The following MTCL2 variants were observed in gnomAD, a reference collection of about 807,000 sequenced individuals.
The protein encoded by MTCL2 is microtubule crosslinking factor 2.
At chr20:36,786,722 G>A in the MTCL2 span, 1 of 1,309,292 alleles carries the variant, frequency 7.6e-7, no homozygotes, top group Admixed American at 2.2e-5. Context: ...TGCCAGGCAA[G>A]GAACTGAGAC....
chr20:36,805,263 G>A, the MTCL2 span, among the ~76,000 whole-genome samples: 1 of 152,144 alleles, frequency 6.6e-6, no homozygotes, highest in East Asian at 1.9e-4. Flanking sequence ...GCCAGATGTG[G>A]GGTCTAATTC....
chr20:36,855,002 G>C, the MTCL2 span, among the ~76,000 whole-genome samples: 1 of 152,128 alleles, frequency 6.6e-6, no homozygotes, highest in African/African-American at 2.4e-5. Flanking sequence ...ATAACACTCA[G>C]ACTGATGCCC....
chr20:36,855,249 C>T, the MTCL2 span, among the ~76,000 whole-genome samples: 40 of 152,346 alleles, frequency 2.6e-4, no homozygotes, highest in East Asian at 7.1e-3. Context: ...CCCCATTCTA[C>T]AGATGACGAG....
the MTCL2 span, chr20:36,785,391 A>G: frequency 1.0e-6 from 1 of 983,718 alleles, no homozygotes. Context: ...AAAGTAAACC[A>G]CCTTAAATAT....
the MTCL2 span, among the ~76,000 whole-genome samples, chr20:36,801,345 C>A: frequency 1.3e-5 from 2 of 152,228 alleles, no homozygotes; most frequent in Non-Finnish European, 2.9e-5. Flanking sequence ...CTCTTGTGAA[C>A]AGCTCTCCAG....
chr20:36,811,506 A>C, the MTCL2 span, among the ~76,000 whole-genome samples: 5 of 152,032 alleles, frequency 3.3e-5, no homozygotes, highest in African/African-American at 4.8e-5. Flanking sequence ...GCGCACGCCT[A>C]TAGTCCCACC....
the MTCL2 span, chr20:36,783,697 T>C: frequency 6.5e-6 from 6 of 926,356 alleles, no homozygotes; most frequent in Non-Finnish European, 7.7e-6. Flanking sequence ...GAATCCCCAC[T>C]GTGGGTCAGG....
chr20:36,846,663 TC>T, the MTCL2 span, among the ~76,000 whole-genome samples: 1 of 152,148 alleles, frequency 6.6e-6, no homozygotes, highest in Non-Finnish European at 1.5e-5. Flanking sequence ...TCCTCCCTAC[TC>T]CCGCCTTACC....
chr20:36,852,592 C>T, the MTCL2 span, among the ~76,000 whole-genome samples: 3 of 152,310 alleles, frequency 2.0e-5, no homozygotes, highest in South Asian at 6.2e-4. Context: ...TCCCTTCATA[C>T]CCAGGGACAG....
At chr20:36,799,588 T>G in the MTCL2 span, among the ~76,000 whole-genome samples, 11 of 151,794 alleles carry the variant, frequency 7.2e-5, no homozygotes, top group Non-Finnish European at 1.5e-4. Flanking sequence ...GAGGTTGAGG[T>G]GGGAGGATCA....
chr20:36,810,717 C>CCTCTCCCTCTCTCT, the MTCL2 span, among the ~76,000 whole-genome samples: 6 of 94,266 alleles, frequency 6.4e-5, no homozygotes, highest in East Asian at 3.1e-4. Context: ...TCTCTCTCTC[C>CCTCTCCCTCTCTCT]CTCTCTCTCT....
the MTCL2 span, chr20:36,780,504 C>T: frequency 6.6e-6 from 1 of 152,198 alleles, no homozygotes; most frequent in Non-Finnish European, 1.5e-5. Flanking sequence ...ATGTTATGGC[C>T]TCCTTGCTAT....
the MTCL2 span, chr20:36,809,905 T>C: frequency 1.3e-5 from 19 of 1,516,944 alleles, no homozygotes; most frequent in Admixed American, 9.9e-5. Context: ...AGAGGGCCCA[T>C]AGATCCTCAA....
chr20:36,818,398 C>A, the MTCL2 span, among the ~76,000 whole-genome samples: 1 of 152,322 alleles, frequency 6.6e-6, no homozygotes, highest in Admixed American at 6.5e-5. Flanking sequence ...CATAGCAAGA[C>A]CCTGTCTCAA....
chr20:36,862,756 G>T, the MTCL2 span: 1 of 1,460,534 alleles, frequency 6.8e-7, no homozygotes. Flanking sequence ...GAGAAGGCAA[G>T]CGAGGCGCTG....
At chr20:36,785,503 G>A in the MTCL2 span, 1 of 985,398 alleles carries the variant, frequency 1.0e-6, no homozygotes, top group Non-Finnish European at 1.2e-6. Flanking sequence ...GTGTTCTCCT[G>A]GGCCTGACCT....
At chr20:36,806,140 T>G in the MTCL2 span, among the ~76,000 whole-genome samples, 1 of 152,170 alleles carries the variant, frequency 6.6e-6, no homozygotes, top group Non-Finnish European at 1.5e-5. Flanking sequence ...AATAACCATG[T>G]TGACAGGCTG....
the MTCL2 span, among the ~76,000 whole-genome samples, chr20:36,794,942 T>G: frequency 1.3e-5 from 2 of 151,340 alleles, no homozygotes; most frequent in African/African-American, 2.4e-5. The surrounding 1 kb of genome is among the most constrained non-coding windows in gnomAD (Gnocchi z 5.4). Flanking sequence ...CTTTTTTTTT[T>G]CTTTTTTTTT....
the MTCL2 span, chr20:36,793,261 G>A: frequency 6.4e-7 from 1 of 1,551,198 alleles, no homozygotes. This position sits in a 1 kb window ranked among gnomAD's most constrained non-coding sequence, Gnocchi z 6.8. Flanking sequence ...CATTGGGAAG[G>A]ACCACGGCTC....
Sources: allele counts gnomAD v4.1 joint callset (sites outside exome capture counted in the v4.1 genomes callset), GRCh38; gene constraint gnomAD v4.1.1; non-coding constraint Gnocchi (gnomAD v3.1); transcripts MANE v1.5; gene names NCBI Gene and HGNC (gene_info 2026-07-23, HGNC 2026-07-21).